Variants in ACOX3 observed in about 807,000 individuals in gnomAD.
ACOX3 encodes peroxisomal acyl-coenzyme A oxidase 3.
ACOX3 carries 73 observed loss-of-function variants against 81.5 expected under a neutral mutation model. That is an observed-to-expected ratio of 0.90 (90% CI 0.74 to 1.09). The LOEUF (loss-of-function observed/expected upper bound fraction) is 1.09, where lower values mean the gene tolerates loss of function less well. ACOX3 is among the 50% of genes least tolerant of loss of function. ACOX3 has a pLI of 0.00. For missense variants in ACOX3, 947 were observed against 928.0 expected, an observed-to-expected ratio of 1.02 and a Z score of -0.27; for synonymous variants, 387 against 375.1, an observed-to-expected ratio of 1.03 and a Z score of -0.37.
In ACOX3 at chr4:8,366,587, T is replaced by A. The variant is rs1003502195; in HGVS notation, c.*374A>T. ...CAATGAAGTGGAGCTCGGTAAAAAA[T>A]CTAGATGAATCACAGGTTGTCTGAC... is the stretch of plus-strand genomic sequence containing the variant. On this transcript the variant is annotated 3_prime_UTR_variant, in exon 18 of 18. Coordinates refer to ENST00000356406, the MANE Select transcript of ACOX3 (RefSeq NM_003501.3). 5 of 170,630 alleles carry A rather than the reference T, an allele frequency of 2.9e-5. No individual in the cohort carries two copies. Among genetic ancestry groups the A allele is most frequent in the African/African-American group, 1.2e-4 (5 of 42,098 alleles). 10.6% of individuals were successfully genotyped at this position (170,630 alleles called of 1,614,324 possible).
chr4:8,393,981 G>A (rs992673002), intron 10 of ACOX3, among the ~76,000 whole-genome samples: 6 of 152,204 alleles, frequency 3.9e-5, no homozygotes, highest in Non-Finnish European at 8.8e-5. Flanking sequence ...TGTGGACACC[G>A]ATAATATTTC....
the ACOX3 span, chr4:8,357,663 G>T: frequency 3.6e-6 from 1 of 281,306 alleles, no homozygotes; most frequent in East Asian, 8.8e-5. Context: ...GTAGTTTCCA[G>T]AATGTCATGG....
intron 5 of ACOX3, among the ~76,000 whole-genome samples, chr4:8,413,436 C>A (rs1355122284): frequency 6.9e-6 from 1 of 144,064 alleles, no homozygotes; most frequent in Non-Finnish European, 1.5e-5. Flanking sequence ...TCTCACTGAA[C>A]CCCTGCGCCC....
rs375581802 is a variant in ACOX3 at position 8,386,997 on chromosome 4, C to T, written c.1537+2176G>A. Among the ~76,000 whole-genome samples the T allele has an allele frequency of 7.0e-4, 106 of 152,330 alleles. No individual in the cohort carries two copies. The highest frequency in any genetic ancestry group is 2.4e-3 in the African/African-American group (98 of 41,576). ...GAGGGAGGCCAGTGCTCCCTCCTCC[C>T]GAGGATCCAGGGGCCTCCCAGAACC... On this transcript the variant is annotated intron_variant, in intron 13 of 17. Coordinates refer to ENST00000356406, the MANE Select transcript of ACOX3 (RefSeq NM_003501.3). This position sits in a 1 kb window ranked among gnomAD's most constrained non-coding sequence, Gnocchi z 5.2.
In ACOX3 at chr4:8,389,868, G is replaced by T; in HGVS notation, c.1301-134C>A. The T allele has an allele frequency of 8.4e-7, 1 of 1,190,748 alleles. No homozygotes were observed. The highest frequency in any genetic ancestry group is 1.2e-6 in the Non-Finnish European group (1 of 852,908). The allele number at this position is 1,190,748 out of a possible 1,614,324, so 73.8% of individuals were successfully genotyped here. ...ACCTGTAATGGCAGCACTTTGGGGG[G>T]CCGAGGCGGGTGGATCACTTGAAGC... On this transcript the variant is annotated intron_variant, in intron 11 of 17. Coordinates refer to ENST00000356406, the MANE Select transcript of ACOX3 (RefSeq NM_003501.3). The surrounding 1 kb of genome is among the most constrained non-coding windows in gnomAD (Gnocchi z 5.3).
rs1419993382 is a variant in ACOX3 at position 8,378,013 on chromosome 4, C to T, written c.1654-2861G>A. Reference sequence around the variant, plus strand: ...ATCTTCTGGACCACCTCAGCTGCCCCTCCAGAGCTGCCAAACTGTCCCCAG... The same window carrying T: ...ATCTTCTGGACCACCTCAGCTGCCCTTCCAGAGCTGCCAAACTGTCCCCAG... On this transcript the variant is annotated intron_variant, in intron 14 of 17. Coordinates refer to ENST00000356406, the MANE Select transcript of ACOX3 (RefSeq NM_003501.3). Among the ~76,000 whole-genome samples the T allele has an allele frequency of 2.6e-5, 4 of 152,224 alleles. No homozygotes were observed. In the East Asian group the frequency reaches 5.8e-4, roughly 22 times the overall value.
chr4:8,393,615 G>GCACACA (rs61109010), intron 10 of ACOX3, among the ~76,000 whole-genome samples: 1 of 140,506 alleles, frequency 7.1e-6, no homozygotes, highest in Non-Finnish European at 1.6e-5. Context: ...ACACACACAC[G>GCACACA]CACACACACA....
At position 8,394,051 on chromosome 4, in the gene ACOX3, G is replaced by A. The variant is rs1028641699; in HGVS notation, c.1179+569C>T. On this transcript the variant is annotated intron_variant, in intron 10 of 17. Transcript: ENST00000356406. The surrounding 1 kb of genome is among the most constrained non-coding windows in gnomAD (Gnocchi z 5.9). ...GTTGTACATAACAGCAATCTGTGGC[G>A]TTTCTCCTCTGCTTTCAAACACGGT... is the stretch of plus-strand genomic sequence containing the variant. Among the ~76,000 whole-genome samples the A allele has an allele frequency of 2.0e-4, 30 of 152,198 alleles. No homozygotes were observed. Among genetic ancestry groups the A allele is most frequent in the African/African-American group, 6.3e-4 (26 of 41,448 alleles).
rs955638566 is a variant in ACOX3, at chr4:8,437,857, G to C, written c.-15+2791C>G. Reference sequence around the variant, plus strand: ...ATCAGGCTGGCAGGAGCTAAAGAATGTAAAGACTAGGGCAGACTAGGCACC... The same window carrying C: ...ATCAGGCTGGCAGGAGCTAAAGAATCTAAAGACTAGGGCAGACTAGGCACC... On this transcript the variant is annotated intron_variant, in intron 1 of 17. Coordinates refer to ENST00000356406, the MANE Select transcript of ACOX3 (RefSeq NM_003501.3). The surrounding 1 kb of genome is among the most constrained non-coding windows in gnomAD (Gnocchi z 5.2). Among the ~76,000 whole-genome samples the C allele has an allele frequency of 1.3e-5, 2 of 152,212 alleles. No individual in the cohort carries two copies. Among genetic ancestry groups the C allele is most frequent in the African/African-American group, 4.8e-5 (2 of 41,458 alleles).
intron 11 of ACOX3, among the ~76,000 whole-genome samples, chr4:8,390,746 A>C (rs1462381998): frequency 6.6e-6 from 1 of 152,190 alleles, no homozygotes. Context: ...ACACTCACGT[A>C]CTGTGACTGA....
chr4:8,364,151 C>T (rs950612039), downstream of ACOX3, among the ~76,000 whole-genome samples: 33 of 152,262 alleles, frequency 2.2e-4, no homozygotes, highest in African/African-American at 7.7e-4. The surrounding 1 kb of genome is among the most constrained non-coding windows in gnomAD (Gnocchi z 5.0). Flanking sequence ...TGTTTTCAGA[C>T]CTTTCTGGGC....
In ACOX3 at chr4:8,430,489, T is replaced by C. The variant is rs571830546; in HGVS notation, c.-15+10159A>G. 1.3e-5 allele frequency among the ~76,000 whole-genome samples: 2 copies of C among 152,226 alleles called. No individual in the cohort carries two copies. The highest frequency in any genetic ancestry group is 2.9e-5 in the Non-Finnish European group (2 of 68,036). ...AACCATTTATTGCAGAACTCACACC[T>C]CCTTTAGGTCACAATTTCTGCCAAA... On this transcript the variant is annotated intron_variant, in intron 1 of 17. Coordinates refer to ENST00000356406, the MANE Select transcript of ACOX3 (RefSeq NM_003501.3). This position sits in a 1 kb window ranked among gnomAD's most constrained non-coding sequence, Gnocchi z 5.2.
intron 1 of ACOX3, among the ~76,000 whole-genome samples, chr4:8,434,541 T>C (rs1724121270): frequency 6.6e-6 from 1 of 152,218 alleles, no homozygotes; most frequent in African/African-American, 2.4e-5. Flanking sequence ...TTTGCCCCCG[T>C]GGAATGCCTC....
chr4:8,404,420 A>G (rs1720703803), intron 7 of ACOX3, among the ~76,000 whole-genome samples: 1 of 146,138 alleles, frequency 6.8e-6, no homozygotes, highest in African/African-American at 2.5e-5. Flanking sequence ...GGCTGTGCAT[A>G]TGTGTCTTGT....
Position 8,382,400 on chromosome 4 carries a change from C to G in ACOX3, c.1538-793G>C, listed in dbSNP as rs1717781397. 6.6e-6 allele frequency among the ~76,000 whole-genome samples: 1 copy of G among 152,232 alleles called. No individual in the cohort carries two copies. The highest frequency in any genetic ancestry group is 2.4e-5 in the African/African-American group (1 of 41,454). On this transcript the variant is annotated intron_variant, in intron 13 of 17. Transcript: ENST00000356406. The surrounding 1 kb of genome is among the most constrained non-coding windows in gnomAD (Gnocchi z 4.1). The stretch of plus-strand genomic sequence containing the variant: ...CCACCAGGCTGTACTGCTACTACCC[C>G]ACTGATGAGGACACGGGCCCAGGGA...
At position 8,386,461 on chromosome 4, in the gene ACOX3, G is replaced by C. The variant is rs963351753; in HGVS notation, c.1537+2712C>G. On this transcript the variant is annotated intron_variant, in intron 13 of 17. Coordinates refer to ENST00000356406, the MANE Select transcript of ACOX3 (RefSeq NM_003501.3). The surrounding 1 kb of genome is among the most constrained non-coding windows in gnomAD (Gnocchi z 5.2). ...GGCTCCTGTAGTCCCAGCTACTCCG[G>C]AGGCTGAGGCAGGAGAATGGCGAGA... is the stretch of plus-strand genomic sequence containing the variant. 6.6e-6 allele frequency among the ~76,000 whole-genome samples: 1 copy of C among 151,778 alleles called. No homozygotes were observed. Among genetic ancestry groups the C allele is most frequent in the African/African-American group, 2.4e-5 (1 of 41,286 alleles).
rs114566585 is a variant in ACOX3 at position 8,378,821 on chromosome 4, G to A, written c.1653+2671C>T. Among the ~76,000 whole-genome samples the A allele has an allele frequency of 3.0e-3, 462 of 152,342 alleles. 2 individuals are homozygous for A. Among genetic ancestry groups the A allele is most frequent in the African/African-American group, 0.011 (451 of 41,574 alleles). On this transcript the variant is annotated intron_variant, in intron 14 of 17. Coordinates refer to ENST00000356406, the MANE Select transcript of ACOX3 (RefSeq NM_003501.3). ...GCCAGAAAATGTTTAAAAGTTAATA[G>A]ATTTTCTCCACCAGGTCAAAGAGTA...
At chr4:8,398,686 G>A (rs1451719347) in intron 8 of ACOX3, among the ~76,000 whole-genome samples, 1 of 152,114 alleles carries the variant, frequency 6.6e-6, no homozygotes, top group African/African-American at 2.4e-5. Flanking sequence ...ATATTGCCCA[G>A]GCTGGTCTGG....
intron 16 of ACOX3, among the ~76,000 whole-genome samples, chr4:8,372,937 C>CA (rs1716401830): frequency 6.6e-6 from 1 of 152,220 alleles, no homozygotes; most frequent in South Asian, 2.1e-4. Context: ...GACCCTCACT[C>CA]ACACAGCCGC....
Sources: gnomAD v4.1 joint callset for allele counts (sites outside exome capture counted in the v4.1 genomes callset) on GRCh38, gnomAD v4.1.1 for gene constraint, Gnocchi (gnomAD v3.1) non-coding constraint, MANE v1.5 for transcripts, NCBI Gene and HGNC (gene_info 2026-07-23, HGNC 2026-07-21) for gene names.